The following RNF115 variants were observed in gnomAD, a reference collection of about 807,000 sequenced individuals.
RNF115 encodes E3 ubiquitin-protein ligase RNF115.
RNF115 carries 31 observed loss-of-function variants against 39.2 expected under a neutral mutation model. That is an observed-to-expected ratio of 0.79 (90% CI 0.59 to 1.07). RNF115 has a LOEUF of 1.07. RNF115 is among the 50% of genes least tolerant of loss of function. The pLI is 0.00. For synonymous variants in RNF115, 124 were observed against 131.0 expected (o/e 0.95, Z 0.37); for missense variants, 384 against 381.7 (o/e 1.01, Z -0.05).
chr1:145,747,129 T>A (rs1471046602), intron 8 of RNF115, 132 bp from the exon 9 acceptor site: 2 of 907,362 alleles, frequency 2.2e-6, no homozygotes, highest in African/African-American at 3.3e-5. Context: ...AGAGAATGCA[T>A]CCTCATAGAG....
intron 1 of RNF115, among the ~76,000 whole-genome samples, chr1:145,807,354 T>C (rs587714547): frequency 2.5e-4 from 38 of 152,318 alleles, no homozygotes; most frequent in African/African-American, 9.1e-4. Context: ...TTAGGAACTC[T>C]GAATCTGTCC....
intron 3 of RNF115, among the ~76,000 whole-genome samples, chr1:145,781,868 A>G (rs980617564): frequency 2.0e-5 from 3 of 150,714 alleles, no homozygotes; most frequent in African/African-American, 7.3e-5. Context: ...CATATACCCC[A>G]GAATAAATTT....
At chr1:145,762,457 C>T (rs1658568037) in intron 4 of RNF115, among the ~76,000 whole-genome samples, 1 of 151,374 alleles carries the variant, frequency 6.6e-6, no homozygotes, top group Non-Finnish European at 1.5e-5. Flanking sequence ...CAGACTAATA[C>T]AGGCCCCAAT....
intron 1 of RNF115, among the ~76,000 whole-genome samples, chr1:145,791,511 T>TAA (rs1648665859): frequency 7.5e-6 from 1 of 133,288 alleles, no homozygotes; most frequent in East Asian, 2.1e-4. Context: ...AAACTCCACC[T>TAA]CAAAAAAAAA....
At chr1:145,775,431 G>T (rs1444186245) in intron 3 of RNF115, among the ~76,000 whole-genome samples, 1 of 142,698 alleles carries the variant, frequency 7.0e-6, no homozygotes, top group Non-Finnish European at 1.5e-5. Context: ...GTCTCAACTC[G>T]GTCGCTCAGG....
intron 1 of RNF115, among the ~76,000 whole-genome samples, chr1:145,816,630 A>G (rs1553723593): frequency 2.2e-5 from 3 of 136,676 alleles, no homozygotes; most frequent in East Asian, 4.4e-4. Context: ...GAATGGGTGA[A>G]GAAACCTAGT....
chr1:145,778,376 T>TG (rs1408918489), intron 3 of RNF115, among the ~76,000 whole-genome samples: 1 of 152,150 alleles, frequency 6.6e-6, no homozygotes, highest in Non-Finnish European at 1.5e-5. Flanking sequence ...GGGATTCTTT[T>TG]GGGGATGATG....
intron 1 of RNF115, among the ~76,000 whole-genome samples, chr1:145,811,908 A>T (rs1302827869): frequency 0.15 from 7,983 of 53,058 alleles, 371 homozygotes; most frequent in East Asian, 0.22. Flanking sequence ...AAAAAAAAAA[A>T]ATATATATAT....
chr1:145,801,761 C>T (rs1255532889), intron 1 of RNF115, among the ~76,000 whole-genome samples: 3 of 151,888 alleles, frequency 2.0e-5, no homozygotes, highest in African/African-American at 7.3e-5. Context: ...TTTTCAGTAA[C>T]TCATTTCTAA....
intron 1 of RNF115, among the ~76,000 whole-genome samples, chr1:145,801,074 G>A (rs1045070467): frequency 1.4e-4 from 21 of 152,168 alleles, no homozygotes; most frequent in African/African-American, 4.6e-4. Context: ...AAGAGGCTGA[G>A]GCAGGAGAAT....
At chr1:145,755,122 G>A (rs1431585923) in intron 4 of RNF115, among the ~76,000 whole-genome samples, 1 of 151,882 alleles carries the variant, frequency 6.6e-6, no homozygotes, top group Non-Finnish European at 1.5e-5. Flanking sequence ...CGTGCCTATA[G>A]TCTCAGCTAC....
At chr1:145,755,488 T>C (rs1658262468) in intron 4 of RNF115, among the ~76,000 whole-genome samples, 1 of 152,172 alleles carries the variant, frequency 6.6e-6, no homozygotes, top group South Asian at 2.1e-4. Flanking sequence ...CACTCAGCCA[T>C]GCTACTCCCA....
At chr1:145,760,772 A>G (rs1374944876) in intron 4 of RNF115, among the ~76,000 whole-genome samples, 1 of 152,192 alleles carries the variant, frequency 6.6e-6, no homozygotes, top group Admixed American at 6.5e-5. Flanking sequence ...CTGAAGAGAT[A>G]CCAAAAATGT....
chr1:145,818,048 T>C (rs1650067465), intron 1 of RNF115, among the ~76,000 whole-genome samples: 1 of 150,742 alleles, frequency 6.6e-6, no homozygotes, highest in Non-Finnish European at 1.5e-5. Context: ...TTGTGAACAG[T>C]GCCACAATAA....
chr1:145,771,463 G>A (rs1164430953), intron 4 of RNF115, among the ~76,000 whole-genome samples: 3 of 152,152 alleles, frequency 2.0e-5, no homozygotes, highest in Non-Finnish European at 4.4e-5. Context: ...AATGGACTGA[G>A]ACACATATCA....
At chr1:145,814,723 T>C (rs1298096646) in intron 1 of RNF115, among the ~76,000 whole-genome samples, 1 of 152,136 alleles carries the variant, frequency 6.6e-6, no homozygotes, top group African/African-American at 2.4e-5. Context: ...ACTGAAAAAG[T>C]CCCACAAATT....
At position 145,771,925 on chromosome 1, in the gene RNF115, A is replaced by G. The variant is rs1553715841; in HGVS notation, c.220-6T>C. 1.9e-6 allele frequency: 3 copies of G among 1,608,992 alleles called. No homozygotes were observed. The highest frequency in any genetic ancestry group is 1.3e-5 in the African/African-American group (1 of 74,682). On this transcript the variant is annotated splice_region_variant and splice_polypyrimidine_tract_variant and intron_variant, in intron 3 of 8. Coordinates refer to ENST00000582693, the MANE Select transcript of RNF115 (RefSeq NM_014455.4). The stretch of plus-strand genomic sequence containing the variant: ...TGATCCAAATGGCCCCAAAGCTAGT[A>G]AAGACCAGAAATAAGTCACATGTTA...
rs1167876530 is a variant in RNF115, at chr1:145,751,381, A to G, written c.573+57T>C. On this transcript the variant is annotated intron_variant, in intron 6 of 8. Coordinates refer to ENST00000582693, the MANE Select transcript of RNF115 (RefSeq NM_014455.4). ...CAGAAAGTAGCAGAAGGAAAGCAGG[A>G]AGCCTGTGGAACCATGAGACACACT... 4 of 1,190,154 alleles carry G rather than the reference A, an allele frequency of 3.4e-6. No individual in the cohort carries two copies. The African/African-American group carries it at 6.1e-5, about 18-fold the overall frequency. The allele number at this position is 1,190,154 out of a possible 1,614,324, so 73.7% of individuals were successfully genotyped here. A position where few individuals can be genotyped will look rare whatever the true frequency, so the allele number is the denominator to read the frequency against.
intron 8 of RNF115, 59 bp from the exon 9 acceptor site, chr1:145,747,056 G>A: frequency 6.6e-7 from 1 of 1,524,834 alleles, no homozygotes; most frequent in Non-Finnish European, 8.9e-7. Context: ...TGGGAGTATT[G>A]TACACTTAAA....
Sources: allele counts gnomAD v4.1 joint callset (sites outside exome capture counted in the v4.1 genomes callset), GRCh38; gene constraint gnomAD v4.1.1; transcripts MANE v1.5; gene names NCBI Gene and HGNC (gene_info 2026-07-23, HGNC 2026-07-21).